Variants in CDH13 observed in about 807,000 individuals in gnomAD.
CDH13 encodes cadherin-13.
Under a neutral mutation model 63.8 loss-of-function variants are expected in CDH13, and 24 were observed. The observed-to-expected ratio is 0.38, with a 90% confidence interval of 0.27 to 0.53. The LOEUF (loss-of-function observed/expected upper bound fraction) is 0.53, where lower values mean the gene tolerates loss of function less well. Among genes scored for constraint, CDH13 ranks in the 20% least tolerant of loss-of-function variants. The pLI, the probability that CDH13 is intolerant of heterozygous loss-of-function variation, is 0.85. For missense variants in CDH13, 1,049 were observed against 903.1 expected, an observed-to-expected ratio of 1.16 and a Z score of -2.07; for synonymous variants, 503 against 355.3, an observed-to-expected ratio of 1.42 and a Z score of -4.67.
chr16:83,511,112 G>GCA (rs35731151), intron 7 of CDH13, among the ~76,000 whole-genome samples: 93,622 of 151,030 alleles, frequency 0.62, 29,302 homozygotes, highest in East Asian at 0.83. Flanking sequence ...ATGCACGCAT[G>GCA]CACACACATG....
intron 5 of CDH13, among the ~76,000 whole-genome samples, chr16:83,237,978 C>T (rs1904277882): frequency 1.3e-5 from 2 of 152,132 alleles, no homozygotes; most frequent in South Asian, 4.2e-4. Context: ...AGGCAGAGGG[C>T]TAGGAATTTA....
chr16:83,066,120 G>A (rs1218497105), intron 3 of CDH13, among the ~76,000 whole-genome samples: 1 of 152,190 alleles, frequency 6.6e-6, no homozygotes, highest in African/African-American at 2.4e-5. Context: ...ACAGCTTAAA[G>A]ATTCTTCTAA....
At chr16:83,395,479 GCTT>G (rs988405984) in intron 6 of CDH13, among the ~76,000 whole-genome samples, 100 of 152,154 alleles carry the variant, frequency 6.6e-4, no homozygotes, top group African/African-American at 2.4e-3. Context: ...TTTCAAAGTG[GCTT>G]CTTCTTCCAG....
At chr16:82,880,844 T>G (rs1406215778) in intron 2 of CDH13, among the ~76,000 whole-genome samples, 1 of 152,200 alleles carries the variant, frequency 6.6e-6, no homozygotes, top group Non-Finnish European at 1.5e-5. Flanking sequence ...AACTCCTGAC[T>G]TTGAATGAGG....
chr16:83,271,422 T>TTAAAAAAAAAAAAAAAAA lies in CDH13; in HGVS notation c.636+53925_636+53926insTAAAAAAAAAAAAAAAAA. On this transcript the variant is annotated intron_variant, in intron 5 of 13. Coordinates refer to ENST00000567109, the MANE Select transcript of CDH13 (RefSeq NM_001257.5). ...CTACCGCACATTGAGGCAGAGTTCA[T>TTAAAAAAAAAAAAAAAAA]AAAAAAAAAAAAAAAAAAAAAAAAA... Among the ~76,000 whole-genome samples the TTAAAAAAAAAAAAAAAAA allele has an allele frequency of 4.3e-3, 111 of 26,026 alleles. 23 individuals carry two copies. Among genetic ancestry groups the TTAAAAAAAAAAAAAAAAA allele is most frequent in the South Asian group, 8.3e-3 (4 of 484 alleles). The allele number at this position is 26,026 out of a possible 152,430, so 17.1% of individuals were successfully genotyped here.
chr16:83,587,348 G>A (rs1261868088), intron 7 of CDH13, among the ~76,000 whole-genome samples: 2 of 152,154 alleles, frequency 1.3e-5, no homozygotes, highest in African/African-American at 4.8e-5. Flanking sequence ...GGCAAAGGTT[G>A]TAAAGCTGGA....
chr16:83,252,410 G>A (rs549101263), intron 5 of CDH13, among the ~76,000 whole-genome samples: 66 of 151,972 alleles, frequency 4.3e-4, no homozygotes, highest in South Asian at 8.3e-4. Flanking sequence ...TGCAAATGGG[G>A]AAAATAAGAT....
In CDH13 at chr16:82,627,337, C is replaced by CGTGTGTGTGTGTGTGT. The variant is rs71146081; in HGVS notation, c.45+229_45+244dup. ...ACACACAGGCTCCCACTCTGGCGTG[C>CGTGTGTGTGTGTGTGT]GTGTGTGTGTGTGTGTGTGTGTGTG... On this transcript the variant is annotated intron_variant, in intron 1 of 13. Coordinates refer to ENST00000567109, the MANE Select transcript of CDH13 (RefSeq NM_001257.5). Among the ~76,000 whole-genome samples the CGTGTGTGTGTGTGTGT allele has an allele frequency of 1.8e-4, 23 of 131,250 alleles. No individual in the cohort carries two copies. The East Asian group carries it at 1.8e-3, about 10-fold the overall frequency. 86.1% of individuals were successfully genotyped at this position (131,250 alleles called of 152,430 possible).
At chr16:82,667,141 ACCT>A (rs1182244841) in intron 1 of CDH13, among the ~76,000 whole-genome samples, 5 of 152,136 alleles carry the variant, frequency 3.3e-5, no homozygotes. Context: ...ACATCGCCTC[ACCT>A]CCTAGCAGCT....
At chr16:83,139,336 AC>A (rs1254815105) in intron 4 of CDH13, among the ~76,000 whole-genome samples, 1 of 152,058 alleles carries the variant, frequency 6.6e-6, no homozygotes, top group African/African-American at 2.4e-5. Context: ...GAATTTGAAA[AC>A]TTTTATTTTA....
chr16:82,793,381 GAA>G (rs11345402), intron 1 of CDH13, among the ~76,000 whole-genome samples: 11 of 149,764 alleles, frequency 7.3e-5, no homozygotes, highest in East Asian at 2.0e-4. Flanking sequence ...AAAAGGGAGG[GAA>G]AAAAAAAATC....
At chr16:83,497,621 C>A (rs2074176819) in intron 7 of CDH13, among the ~76,000 whole-genome samples, 1 of 152,022 alleles carries the variant, frequency 6.6e-6, no homozygotes, top group Admixed American at 6.5e-5. Flanking sequence ...TGTAACTAAC[C>A]TGCACAATGT....
intron 10 of CDH13, among the ~76,000 whole-genome samples, chr16:83,690,587 AG>A (rs1904759273): frequency 6.6e-6 from 1 of 152,136 alleles, no homozygotes; most frequent in Non-Finnish European, 1.5e-5. Context: ...GGGGCAATTA[AG>A]GGAAAGGGAG....
chr16:82,977,232 G>C (rs1331065774), intron 2 of CDH13, among the ~76,000 whole-genome samples: 1 of 152,078 alleles, frequency 6.6e-6, no homozygotes, highest in Non-Finnish European at 1.5e-5. Flanking sequence ...GTCCTTTGTG[G>C]GCTGCAGAGC....
At chr16:83,083,983 C>A (rs2033424099) in intron 3 of CDH13, among the ~76,000 whole-genome samples, 1 of 152,156 alleles carries the variant, frequency 6.6e-6, no homozygotes, top group African/African-American at 2.4e-5. Flanking sequence ...GAGACCAGAC[C>A]TTTGCAATGA....
intron 5 of CDH13, among the ~76,000 whole-genome samples, chr16:83,332,086 T>G (rs2090493407): frequency 6.6e-6 from 1 of 152,288 alleles, no homozygotes; most frequent in Non-Finnish European, 1.5e-5. Flanking sequence ...TCAAACACTA[T>G]GAACTTTTTC....
intron 2 of CDH13, among the ~76,000 whole-genome samples, chr16:82,957,161 C>G (rs189484550): frequency 1.3e-5 from 2 of 152,308 alleles, no homozygotes; most frequent in East Asian, 3.9e-4. Context: ...CATATCCCTT[C>G]TCTTGAAATA....
At chr16:82,996,300 G>A (rs1416951556) in intron 2 of CDH13, among the ~76,000 whole-genome samples, 2 of 152,070 alleles carry the variant, frequency 1.3e-5, no homozygotes, top group Non-Finnish European at 2.9e-5. Context: ...CTCTCCCAGT[G>A]GCCTCTACCC....
intron 2 of CDH13, among the ~76,000 whole-genome samples, chr16:82,909,684 G>C (rs935537227): frequency 6.6e-6 from 1 of 152,046 alleles, no homozygotes. Flanking sequence ...GAGATGAGGG[G>C]AACAGCATGA....
Sources: allele counts gnomAD v4.1 joint callset (sites outside exome capture counted in the v4.1 genomes callset), GRCh38; gene constraint gnomAD v4.1.1; transcripts MANE v1.5; gene names NCBI Gene and HGNC (gene_info 2026-07-23, HGNC 2026-07-21).